The following NKAIN3 variants were observed in gnomAD, a reference collection of about 807,000 sequenced individuals.
NKAIN3 encodes the protein sodium/potassium transporting ATPase interacting 3.
In NKAIN3, 25 loss-of-function variants were observed where a neutral mutation model predicts 30.2. The observed-to-expected ratio is 0.83, with a 90% CI of 0.60 to 1.16. NKAIN3 has a LOEUF of 1.16. Ranked by LOEUF, NKAIN3 falls within the 50% of genes most tolerant of loss-of-function variation. NKAIN3 has a pLI of 0.00. For missense variants in NKAIN3, 225 were observed against 254.1 expected (o/e 0.89, Z 0.78); for synonymous variants, 91 against 89.6 (o/e 1.02, Z -0.09).
chr8:62,560,957 A>C (rs1056717849), intron 1 of NKAIN3, among the ~76,000 whole-genome samples: 2 of 151,794 alleles, frequency 1.3e-5, no homozygotes, highest in African/African-American at 2.4e-5. Context: ...TTCTTAGCTG[A>C]GACTTTTTAT....
chr8:62,571,653 C>A (rs561651464), intron 1 of NKAIN3, among the ~76,000 whole-genome samples: 21 of 152,274 alleles, frequency 1.4e-4, no homozygotes, highest in African/African-American at 5.1e-4. Context: ...TTCTGCTGGG[C>A]ATCCAGGCAT....
chr8:62,579,652 G>A lies in NKAIN3; in HGVS notation c.168G>A (p.Gln56=). The change falls in exon 2 of 7, where the codon CAG becomes CAA. Residue 56 remains glutamine (Q), a synonymous_variant. Transcript: ENST00000623646. ...TATTGGGTTTGTTTGGGACCATTCA[G>A]TACAGACCTCGATACATAATGGTGG... The part of the protein sequence containing the change: ...VVILGLFGTI[Q]YRPRYIMVYT... 1.9e-6 allele frequency: 3 copies of A among 1,564,830 alleles called. No homozygotes were observed. The highest frequency in any genetic ancestry group is 2.6e-6 in the Non-Finnish European group (3 of 1,153,988).
intron 4 of NKAIN3, among the ~76,000 whole-genome samples, chr8:62,831,689 A>T (rs955339437): frequency 2.6e-5 from 4 of 152,146 alleles, no homozygotes; most frequent in Non-Finnish European, 4.4e-5. Flanking sequence ...AGAAAAAAAA[A>T]TTTTAATGAG....
At chr8:62,294,774 G>A (rs1813772017) in intron 1 of NKAIN3, among the ~76,000 whole-genome samples, 1 of 152,046 alleles carries the variant, frequency 6.6e-6, no homozygotes, top group Non-Finnish European at 1.5e-5. Context: ...CCAACTGGTG[G>A]GCTCTAGCTA....
At chr8:62,959,433 G>GGTGTGTGTGTGTGTGTGT (rs35737951) in intron 6 of NKAIN3, among the ~76,000 whole-genome samples, 7 of 143,248 alleles carry the variant, frequency 4.9e-5, no homozygotes, top group Admixed American at 2.1e-4. Flanking sequence ...GACAAATCAG[G>GGTGTGTGTGTGTGTGTGT]GTGTGTGTGT....
intron 4 of NKAIN3, among the ~76,000 whole-genome samples, chr8:62,816,181 G>C (rs940864051): frequency 2.0e-4 from 31 of 152,170 alleles, no homozygotes; most frequent in Non-Finnish European, 4.0e-4. Flanking sequence ...AACTTTCTCA[G>C]GAAATACTTT....
intron 1 of NKAIN3, among the ~76,000 whole-genome samples, chr8:62,577,140 GT>G (rs1214159561): frequency 2.6e-5 from 4 of 151,950 alleles, no homozygotes; most frequent in Non-Finnish European, 5.9e-5. Flanking sequence ...GCCCTTCTCT[GT>G]ATTCTCGATA....
intron 4 of NKAIN3, among the ~76,000 whole-genome samples, chr8:62,875,399 C>G (rs968734419): frequency 6.6e-6 from 1 of 152,076 alleles, no homozygotes; most frequent in Non-Finnish European, 1.5e-5. Flanking sequence ...GGCCATACTA[C>G]CAAAAGTAAT....
intron 3 of NKAIN3, among the ~76,000 whole-genome samples, chr8:62,714,540 T>C (rs1814826667): frequency 3.3e-5 from 5 of 152,150 alleles, no homozygotes. Flanking sequence ...AATAGCCCTA[T>C]ACATTATTGT....
At chr8:62,659,433 T>C (rs1812870531) in intron 3 of NKAIN3, among the ~76,000 whole-genome samples, 1 of 152,226 alleles carries the variant, frequency 6.6e-6, no homozygotes, top group Non-Finnish European at 1.5e-5. Context: ...CCATGAGAAA[T>C]ACCTTAGAGC....
At chr8:62,743,037 G>A (rs1815955435) in intron 3 of NKAIN3, among the ~76,000 whole-genome samples, 1 of 152,094 alleles carries the variant, frequency 6.6e-6, no homozygotes, top group Non-Finnish European at 1.5e-5. Context: ...CCACCCCTAT[G>A]ACTCAATTAC....
intron 3 of NKAIN3, among the ~76,000 whole-genome samples, chr8:62,599,683 G>C (rs1810935575): frequency 6.6e-6 from 1 of 152,040 alleles, no homozygotes; most frequent in Non-Finnish European, 1.5e-5. Context: ...ATATGAAAGA[G>C]TCCCTTGTGA....
intron 3 of NKAIN3, among the ~76,000 whole-genome samples, chr8:62,679,752 G>A (rs976308154): frequency 6.6e-6 from 1 of 152,140 alleles, no homozygotes; most frequent in Non-Finnish European, 1.5e-5. Flanking sequence ...CATGAGAATA[G>A]CAGGGGTGGT....
intron 4 of NKAIN3, among the ~76,000 whole-genome samples, chr8:62,755,260 A>G (rs1228025827): frequency 6.6e-6 from 1 of 152,204 alleles, no homozygotes; most frequent in East Asian, 1.9e-4. Context: ...AGAAAAGAGG[A>G]CTTCTCCTTG....
intron 3 of NKAIN3, among the ~76,000 whole-genome samples, chr8:62,618,278 G>A (rs1811521026): frequency 6.6e-6 from 1 of 152,172 alleles, no homozygotes; most frequent in African/African-American, 2.4e-5. Flanking sequence ...TAAAGTGAGA[G>A]TCAAATTTGG....
At chr8:62,494,585 A>G (rs1807176821) in intron 1 of NKAIN3, among the ~76,000 whole-genome samples, 1 of 152,148 alleles carries the variant, frequency 6.6e-6, no homozygotes, top group Admixed American at 6.6e-5. Flanking sequence ...TAGTTTCAGT[A>G]GGAATGCTAC....
intron 1 of NKAIN3, among the ~76,000 whole-genome samples, chr8:62,534,859 TG>T (rs768458932): frequency 8.4e-4 from 54 of 64,528 alleles, no homozygotes; most frequent in African/African-American, 1.6e-3. Flanking sequence ...TTGCATTTAT[TG>T]GTTTTTTTTT....
chr8:62,392,279 G>A (rs1489143968), intron 1 of NKAIN3, among the ~76,000 whole-genome samples: 2 of 151,730 alleles, frequency 1.3e-5, no homozygotes, highest in Non-Finnish European at 2.9e-5. Context: ...TGTAACAAAG[G>A]GAAATATATT....
At chr8:62,254,572 T>C (rs562986554) in intron 1 of NKAIN3, among the ~76,000 whole-genome samples, 1 of 152,284 alleles carries the variant, frequency 6.6e-6, no homozygotes, top group Admixed American at 6.5e-5. Flanking sequence ...GCTGGAATCA[T>C]TGGTAATAAA....
Sources: gnomAD v4.1 joint callset for allele counts (sites outside exome capture counted in the v4.1 genomes callset) on GRCh38, gnomAD v4.1.1 for gene constraint, MANE v1.5 for transcripts, NCBI Gene and HGNC (gene_info 2026-07-23, HGNC 2026-07-21) for gene names.